The following KHDRBS2 variants were observed in gnomAD, a reference collection of about 807,000 sequenced individuals.
KHDRBS2 encodes the protein KH RNA binding domain containing, signal transduction associated 2.
KHDRBS2 carries 26 observed loss-of-function variants against 44.3 expected under a neutral mutation model. The ratio of observed to expected loss-of-function variants is 0.59; its 90% CI spans 0.43 to 0.81. The LOEUF (loss-of-function observed/expected upper bound fraction) is 0.81. Among genes scored for constraint, KHDRBS2 ranks in the 40% least tolerant of loss-of-function variants. KHDRBS2 has a pLI of 0.00. For synonymous variants in KHDRBS2, 194 were observed against 151.1 expected (o/e 1.28, Z -2.08); for missense variants, 476 against 433.1 (o/e 1.10, Z -0.88).
At chr6:61,615,525 C>T in the KHDRBS2 span, among the ~76,000 whole-genome samples, 7 of 151,936 alleles carry the variant, frequency 4.6e-5, no homozygotes, top group Non-Finnish European at 1.0e-4. Context: ...TATACTCTGC[C>T]CACTCTCATC....
chr6:61,782,661 A>AT (rs1401409219), intron 6 of KHDRBS2, among the ~76,000 whole-genome samples: 67 of 144,872 alleles, frequency 4.6e-4, no homozygotes, highest in African/African-American at 1.5e-3. Flanking sequence ...ATAAGTATGC[A>AT]TTTTTTATAC....
At chr6:61,774,663 C>T (rs1781629312) in intron 6 of KHDRBS2, among the ~76,000 whole-genome samples, 1 of 151,998 alleles carries the variant, frequency 6.6e-6, no homozygotes, top group South Asian at 2.1e-4. Flanking sequence ...AGCTTACAAA[C>T]CAAAAAGTCG....
chr6:61,810,875 TA>T (rs1788012014), intron 6 of KHDRBS2, among the ~76,000 whole-genome samples: 2 of 152,200 alleles, frequency 1.3e-5, no homozygotes, highest in East Asian at 3.8e-4. Context: ...ATGTGTTTTT[TA>T]AATGCATTTT....
chr6:62,048,032 A>G lies in KHDRBS2; in HGVS notation c.220-38T>C, dbSNP rs757263010. The G allele has an allele frequency of 8.9e-6, 10 of 1,125,552 alleles. No homozygotes were observed. The Admixed American group carries it at 1.4e-4, about 15-fold the overall frequency. The allele number at this position is 1,125,552 out of a possible 1,614,324, so 69.7% of individuals were successfully genotyped here. On this transcript the variant is annotated intron_variant, in intron 2 of 8. Transcript: ENST00000281156. ...ATCAATAGAATGTCTGTTTTAAGGTACAATAAAGTGATTATTTGCACCAAG... is the reference window on the plus strand; with the variant it reads ...ATCAATAGAATGTCTGTTTTAAGGTGCAATAAAGTGATTATTTGCACCAAG...
intron 6 of KHDRBS2, among the ~76,000 whole-genome samples, chr6:61,878,435 A>C (rs1387324434): frequency 1.3e-5 from 2 of 151,908 alleles, no homozygotes; most frequent in East Asian, 3.9e-4. Context: ...TCCTTGAAGT[A>C]TTTTACTTAT....
intron 6 of KHDRBS2, among the ~76,000 whole-genome samples, chr6:61,762,165 A>C (rs1402677448): frequency 3.3e-5 from 5 of 152,182 alleles, no homozygotes; most frequent in Non-Finnish European, 5.9e-5. Flanking sequence ...AGAATAAAAT[A>C]AATTGAGAAT....
intron 6 of KHDRBS2, among the ~76,000 whole-genome samples, chr6:61,838,965 G>A (rs1214103457): frequency 6.6e-6 from 1 of 151,972 alleles, no homozygotes; most frequent in Non-Finnish European, 1.5e-5. Context: ...CCTCTCCAGG[G>A]TCATTACTCA....
chr6:62,039,345 AAT>A (rs1052998965), intron 3 of KHDRBS2, among the ~76,000 whole-genome samples: 3 of 151,112 alleles, frequency 2.0e-5, no homozygotes, highest in African/African-American at 2.4e-5. Context: ...GGACAGCAGA[AAT>A]ATATATATAT....
intron 3 of KHDRBS2, among the ~76,000 whole-genome samples, chr6:61,979,656 G>A (rs1440065635): frequency 6.6e-6 from 1 of 152,082 alleles, no homozygotes; most frequent in African/African-American, 2.4e-5. Context: ...CTTCTCTAAG[G>A]ATACTTTCAA....
At chr6:61,971,404 G>A (rs1771383998) in intron 4 of KHDRBS2, among the ~76,000 whole-genome samples, 1 of 151,850 alleles carries the variant, frequency 6.6e-6, no homozygotes, top group Admixed American at 6.6e-5. Flanking sequence ...TCAAGGAAGG[G>A]CAATTCAAAA....
chr6:62,031,719 G>A (rs572866081), intron 3 of KHDRBS2, among the ~76,000 whole-genome samples: 1 of 152,184 alleles, frequency 6.6e-6, no homozygotes, highest in Non-Finnish European at 1.5e-5. Flanking sequence ...CACAGTACAA[G>A]AGAACACCAG....
chr6:61,819,267 C>G (rs927296258), intron 6 of KHDRBS2, among the ~76,000 whole-genome samples: 3 of 151,806 alleles, frequency 2.0e-5, no homozygotes, highest in Admixed American at 1.3e-4. Context: ...ATAAGGGATT[C>G]AGGAAATAAT....
intron 1 of KHDRBS2, among the ~76,000 whole-genome samples, chr6:62,270,265 G>C (rs1045386893): frequency 2.0e-5 from 3 of 151,274 alleles, no homozygotes; most frequent in African/African-American, 7.3e-5. Context: ...GTTTAAAAGG[G>C]TGTGGAACCC....
chr6:61,897,559 C>T (rs1216892230), intron 5 of KHDRBS2, among the ~76,000 whole-genome samples: 1 of 152,150 alleles, frequency 6.6e-6, no homozygotes, highest in East Asian at 1.9e-4. Context: ...CTCTTCTTCT[C>T]CAACGTTTAA....
chr6:61,860,265 C>CT (rs1002720570), intron 6 of KHDRBS2, among the ~76,000 whole-genome samples: 5 of 151,794 alleles, frequency 3.3e-5, no homozygotes, highest in Non-Finnish European at 5.9e-5. Flanking sequence ...TGGTTAATGT[C>CT]TTTTTTTGTG....
intron 6 of KHDRBS2, among the ~76,000 whole-genome samples, chr6:61,761,415 A>G (rs1359954594): frequency 1.3e-5 from 2 of 152,202 alleles, no homozygotes; most frequent in Non-Finnish European, 2.9e-5. Context: ...CTATTATAAT[A>G]ATATGCTGGT....
chr6:62,256,266 C>A (rs1230725828), intron 1 of KHDRBS2, among the ~76,000 whole-genome samples: 3 of 152,028 alleles, frequency 2.0e-5, no homozygotes, highest in Admixed American at 1.3e-4. Flanking sequence ...ACCCAGGGAA[C>A]CTTGTAAACT....
At chr6:61,556,872 ATTTTTTTTTT>A in the KHDRBS2 span, among the ~76,000 whole-genome samples, 45 of 87,498 alleles carry the variant, frequency 5.1e-4, no homozygotes, top group South Asian at 3.9e-3. Context: ...TGAAATTGAG[ATTTTTTTTTT>A]TTTTTTTTTT....
intron 5 of KHDRBS2, among the ~76,000 whole-genome samples, chr6:61,898,476 T>C (rs1004524050): frequency 2.4e-4 from 36 of 152,018 alleles, no homozygotes; most frequent in African/African-American, 8.4e-4. Context: ...GTCAACATTT[T>C]AACTTATTGT....
Sources: allele counts gnomAD v4.1 joint callset (sites outside exome capture counted in the v4.1 genomes callset), GRCh38; gene constraint gnomAD v4.1.1; transcripts MANE v1.5; gene names NCBI Gene and HGNC (gene_info 2026-07-23, HGNC 2026-07-21).